The following GPATCH8 variants were observed in gnomAD, a reference collection of about 807,000 sequenced individuals.
GPATCH8 encodes the protein G-patch domain containing 8, also known as G patch domain-containing protein 8.
Under a neutral mutation model 118.3 loss-of-function variants are expected in GPATCH8, and 18 were observed. The ratio of observed to expected loss-of-function variants is 0.15; its 90% CI spans 0.11 to 0.23. GPATCH8 has a LOEUF of 0.23. GPATCH8 is among the 10% of genes least tolerant of loss of function. GPATCH8 has a pLI of 1.00. For missense variants in GPATCH8, 1,631 were observed against 1,873.8 expected (o/e 0.87, Z 2.39); for synonymous variants, 659 against 684.7 (o/e 0.96, Z 0.59).
At chr17:44,407,760 G>A (rs959157792) in intron 6 of GPATCH8, among the ~76,000 whole-genome samples, 1 of 151,662 alleles carries the variant, frequency 6.6e-6, no homozygotes, top group Non-Finnish European at 1.5e-5. Flanking sequence ...AGGTTTAAGA[G>A]ATTCTCATGC....
At chr17:44,483,559 A>G (rs1968514494) in intron 1 of GPATCH8, among the ~76,000 whole-genome samples, 1 of 151,686 alleles carries the variant, frequency 6.6e-6, no homozygotes, top group South Asian at 2.1e-4. Context: ...GAGGTAGGCT[A>G]TTTTTAACTG....
At chr17:44,403,878 G>C (rs777048801) in intron 7 of GPATCH8, among the ~76,000 whole-genome samples, 1 of 148,992 alleles carries the variant, frequency 6.7e-6, no homozygotes, top group Non-Finnish European at 1.5e-5. Context: ...ATTTTTAGTA[G>C]AGACAGAGTT....
At chr17:44,414,129 G>GTATATATATGTGTA (rs2049577470) in intron 6 of GPATCH8, among the ~76,000 whole-genome samples, 1 of 43,002 alleles carries the variant, frequency 2.3e-5, no homozygotes, top group Non-Finnish European at 9.6e-5. Flanking sequence ...ATATATATGT[G>GTATATATATGTGTA]TATATATATA....
intron 3 of GPATCH8, among the ~76,000 whole-genome samples, chr17:44,459,483 A>G (rs913851496): frequency 2.0e-5 from 3 of 152,212 alleles, no homozygotes. Context: ...CCCTTCACTT[A>G]TAGGAAATGG....
At chr17:44,457,438 A>T (rs2051376958) in intron 3 of GPATCH8, among the ~76,000 whole-genome samples, 1 of 152,204 alleles carries the variant, frequency 6.6e-6, no homozygotes, top group South Asian at 2.1e-4. Flanking sequence ...AAAACTTAAT[A>T]CAATGTTCTT....
intron 1 of GPATCH8, among the ~76,000 whole-genome samples, chr17:44,482,861 G>A (rs1291888302): frequency 3.0e-5 from 1 of 33,046 alleles, no homozygotes; most frequent in Non-Finnish European, 5.5e-5. Flanking sequence ...TTAACTCTTA[G>A]AAATGGGTGT....
chr17:44,454,324 T>C (rs907250269), intron 3 of GPATCH8, among the ~76,000 whole-genome samples: 3 of 152,194 alleles, frequency 2.0e-5, no homozygotes, highest in South Asian at 2.1e-4. Context: ...GGTCTCACTA[T>C]GTCGCCCAGG....
intron 3 of GPATCH8, among the ~76,000 whole-genome samples, chr17:44,457,907 C>T (rs2051395493): frequency 6.6e-6 from 1 of 151,954 alleles, no homozygotes; most frequent in African/African-American, 2.4e-5. Context: ...CGCTAAAACC[C>T]CGTCTCTACT....
At chr17:44,429,688 A>AC (rs2050229201) in intron 5 of GPATCH8, among the ~76,000 whole-genome samples, 1 of 143,488 alleles carries the variant, frequency 7.0e-6, no homozygotes, top group African/African-American at 2.8e-5. Context: ...ACACACACAA[A>AC]ACAACAAACA....
At chr17:44,440,122 TGG>T (rs2050639935) in intron 3 of GPATCH8, among the ~76,000 whole-genome samples, 1 of 152,178 alleles carries the variant, frequency 6.6e-6, no homozygotes, top group South Asian at 2.1e-4. Flanking sequence ...CCCTACTTCT[TGG>T]TTTCTTTTAA....
chr17:44,429,687 A>ACACACACACACACACACAC lies in GPATCH8; in HGVS notation c.349-5196_349-5195insGTGTGTGTGTGTGTGTGTG, dbSNP rs58829323. 4.1e-5 allele frequency among the ~76,000 whole-genome samples: 3 copies of ACACACACACACACACACAC among 73,728 alleles called. No homozygotes were observed. The East Asian group carries it at 1.2e-3, about 29-fold the overall frequency. The allele number at this position is 73,728 out of a possible 152,430, so 48.4% of individuals were successfully genotyped here. ...ACACACACACACACACACACACACA[A>ACACACACACACACACACAC]AACAACAAACAAACAAACAAACAAA... On this transcript the variant is annotated intron_variant, in intron 5 of 7. Coordinates refer to ENST00000591680, the MANE Select transcript of GPATCH8 (RefSeq NM_001002909.4).
chr17:44,440,536 G>A (rs566390025), intron 3 of GPATCH8, among the ~76,000 whole-genome samples: 1 of 152,238 alleles, frequency 6.6e-6, no homozygotes, highest in East Asian at 1.9e-4. Flanking sequence ...GCCTCCCAAA[G>A]CTCTGGGATT....
intron 3 of GPATCH8, among the ~76,000 whole-genome samples, chr17:44,442,730 C>T (rs886594686): frequency 2.6e-5 from 4 of 152,212 alleles, no homozygotes; most frequent in Non-Finnish European, 5.9e-5. Context: ...CTCCAAAGTG[C>T]TGGGATTACA....
rs767221548 is a variant in GPATCH8 at position 44,400,909 on chromosome 17, C to T, written c.1168G>A (p.Glu390Lys). 1 of 1,614,178 alleles carries T rather than the reference C, an allele frequency of 6.2e-7. No individual in the cohort carries two copies. Among genetic ancestry groups the T allele is most frequent in the Non-Finnish European group, 8.5e-7 (1 of 1,180,000 alleles). Reference protein sequence around the residue: ...MKREEGAGATEPEYYHYIPPA... With the variant: ...MKREEGAGATKPEYYHYIPPA... ...GGGATGTAGTGGTAATACTCAGGCT[C>T]TGTAGCCCCAGCTCCTTCTTCTCGT... Residue 390 changes from glutamate to lysine, a missense_variant, in exon 8 of 8, where the codon GAG (glutamate) becomes AAG (lysine). Coordinates refer to ENST00000591680, the MANE Select transcript of GPATCH8 (RefSeq NM_001002909.4).
chr17:44,419,045 C>A (rs1409542197), intron 6 of GPATCH8, among the ~76,000 whole-genome samples: 1 of 152,074 alleles, frequency 6.6e-6, no homozygotes, highest in African/African-American at 2.4e-5. Context: ...CACATAACAC[C>A]CCCGCATCCT....
chr17:44,492,876 C>A (rs1969365534), intron 1 of GPATCH8, among the ~76,000 whole-genome samples: 1 of 152,044 alleles, frequency 6.6e-6, no homozygotes, highest in African/African-American at 2.4e-5. Context: ...GGAATTTTGT[C>A]TTGTTTTCTT....
chr17:44,398,734 T>C lies in GPATCH8; in HGVS notation c.3343A>G (p.Thr1115Ala). Residue 1115 changes from threonine to alanine, a missense_variant, in exon 8 of 8, where the codon ACC becomes GCC. Coordinates refer to ENST00000591680, the MANE Select transcript of GPATCH8 (RefSeq NM_001002909.4). ...AGCTTGGGCCCAGCTTTATTAGGGG[T>C]GGCCTGCACCTCCTCACTCACACTA... Reference protein sequence around the residue: ...KPSVSEEVQATPNKAGPKLKD... With the variant: ...KPSVSEEVQAAPNKAGPKLKD... 1.9e-6 allele frequency: 3 copies of C among 1,610,922 alleles called. No homozygotes were observed. Among genetic ancestry groups the C allele is most frequent in the Non-Finnish European group, 2.5e-6 (3 of 1,177,726 alleles).
chr17:44,423,585 GTAAGT>G (rs956541702), intron 6 of GPATCH8, among the ~76,000 whole-genome samples: 14 of 152,106 alleles, frequency 9.2e-5, no homozygotes, highest in African/African-American at 3.4e-4. Flanking sequence ...CAAAAACCTA[GTAAGT>G]TATGTTAAAG....
At chr17:44,443,070 C>G (rs1301768174) in intron 3 of GPATCH8, among the ~76,000 whole-genome samples, 1 of 152,060 alleles carries the variant, frequency 6.6e-6, no homozygotes, top group African/African-American at 2.4e-5. Context: ...AGAGAAAAAC[C>G]TTGTCGAAAA....
Sources: gnomAD v4.1 joint callset for allele counts (sites outside exome capture counted in the v4.1 genomes callset) on GRCh38, gnomAD v4.1.1 for gene constraint, MANE v1.5 for transcripts, NCBI Gene and HGNC (gene_info 2026-07-23, HGNC 2026-07-21) for gene names.